TMEM44: variants seen among roughly 807,000 people sequenced by gnomAD.
TMEM44 encodes the protein transmembrane protein 44.
A neutral mutation model predicts 47.8 loss-of-function variants in TMEM44; 43 were observed. The observed-to-expected ratio is 0.90, with a 90% CI of 0.70 to 1.16. The LOEUF is 1.16. Ranked by LOEUF, TMEM44 falls within the 50% of genes most tolerant of loss-of-function variation. TMEM44 has a pLI of 0.00. For synonymous variants in TMEM44, 277 were observed against 238.8 expected (o/e 1.16, Z -1.48); for missense variants, 568 against 555.2 (o/e 1.02, Z -0.23).
chr3:194,609,419 G>A (rs1385699716), intron 8 of TMEM44, among the ~76,000 whole-genome samples: 1 of 152,152 alleles, frequency 6.6e-6, no homozygotes, highest in Non-Finnish European at 1.5e-5. Context: ...GGGGAAAGAA[G>A]AGCCTGTGAG....
At position 194,588,345 on chromosome 3, in the gene TMEM44, C is replaced by T. The variant is rs1206651408; in HGVS notation, c.*184G>A. On this transcript the variant is annotated 3_prime_UTR_variant, in exon 10 of 10. Transcript: ENST00000347147. ...CCTATCCAGGTCTGTCCGCAGTACC[C>T]AAAGTCGTAGCTCCGTGATGAGCTA... The T allele has an allele frequency of 1.7e-6, 1 of 593,544 alleles. No individual in the cohort carries two copies. The highest frequency in any genetic ancestry group is 3.0e-5 in the Admixed American group (1 of 33,248). 36.8% of individuals were successfully genotyped at this position (593,544 alleles called of 1,614,324 possible). A position where few individuals can be genotyped will look rare whatever the true frequency, so the allele number is the denominator to read the frequency against.
In TMEM44 at chr3:194,611,714, G is replaced by A. The variant is rs1045103565; in HGVS notation, c.913-694C>T. On this transcript the variant is annotated intron_variant, in intron 7 of 9. Coordinates refer to ENST00000347147, the MANE Select transcript of TMEM44 (RefSeq NM_001011655.3). The surrounding 1 kb of genome is among the most constrained non-coding windows in gnomAD (Gnocchi z 4.2). The stretch of plus-strand genomic sequence containing the variant: ...CCTTGATGCACATCAGAAGCACCCT[G>A]TGGGTTTTGCTAAAATACAGATTGC... 2.0e-5 allele frequency among the ~76,000 whole-genome samples: 3 copies of A among 152,086 alleles called. No homozygotes were observed. Among genetic ancestry groups the A allele is most frequent in the African/African-American group, 7.2e-5 (3 of 41,428 alleles).
chr3:194,626,011 A>G, intron 2 of TMEM44, 21 bp from the exon 3 acceptor site: 1 of 1,575,614 alleles, frequency 6.3e-7, no homozygotes, highest in South Asian at 1.1e-5. Context: ...ACGGGAAGAG[A>G]GTCTTGGCAT....
intron 9 of TMEM44, among the ~76,000 whole-genome samples, chr3:194,594,133 A>ATCTGTCTG (rs1196298353): frequency 7.4e-4 from 106 of 143,978 alleles, no homozygotes; most frequent in African/African-American, 2.4e-3. Context: ...CTATCTATCT[A>ATCTGTCTG]TCTATCTATC....
At chr3:194,590,842 C>T (rs1049961600) in intron 9 of TMEM44, among the ~76,000 whole-genome samples, 5 of 152,168 alleles carry the variant, frequency 3.3e-5, no homozygotes, top group African/African-American at 9.7e-5. Context: ...TCTTGCCAAC[C>T]GTGACCAGTT....
intron 9 of TMEM44, among the ~76,000 whole-genome samples, chr3:194,598,175 C>T (rs1017441271): frequency 9.9e-5 from 15 of 152,190 alleles, no homozygotes; most frequent in Non-Finnish European, 2.9e-5. Flanking sequence ...TCCCACATGA[C>T]ATGATTCGTC....
chr3:194,615,350 G>A (rs533920077), intron 7 of TMEM44, among the ~76,000 whole-genome samples: 2 of 152,098 alleles, frequency 1.3e-5, no homozygotes, highest in Non-Finnish European at 2.9e-5. Flanking sequence ...TCAATGCCCC[G>A]TCCACTCCAT....
intron 1 of TMEM44, 35 bp from the exon 2 acceptor site, chr3:194,628,544 C>G: frequency 6.4e-7 from 1 of 1,573,150 alleles, no homozygotes; most frequent in Non-Finnish European, 8.6e-7. Flanking sequence ...AACACAGCAA[C>G]TGTGAGTTTG....
chr3:194,633,046 G>C (rs1717987144), intron 1 of TMEM44, 33 bp downstream of exon 1: 1 of 1,544,672 alleles, frequency 6.5e-7, no homozygotes. Flanking sequence ...CCGTTTCCCC[G>C]CCCGACAGCC....
chr3:194,608,116 C>T (rs566365302), intron 8 of TMEM44, among the ~76,000 whole-genome samples: 5 of 152,220 alleles, frequency 3.3e-5, no homozygotes, highest in Non-Finnish European at 7.3e-5. Context: ...GCTGCAGGAA[C>T]TCCCGTGCCT....
intron 1 of TMEM44, among the ~76,000 whole-genome samples, chr3:194,629,574 G>A (rs569551848): frequency 4.6e-5 from 7 of 151,722 alleles, no homozygotes; most frequent in Admixed American, 2.0e-4. Flanking sequence ...ATACATTGTC[G>A]TACATGCCTC....
chr3:194,602,742 G>A (rs917649884), intron 9 of TMEM44, among the ~76,000 whole-genome samples: 1 of 152,222 alleles, frequency 6.6e-6, no homozygotes, highest in East Asian at 1.9e-4. Flanking sequence ...GGTGAGGGGA[G>A]GGGGTGTGTG....
chr3:194,623,344 C>T (rs1716784378), intron 4 of TMEM44, 34 bp from the exon 5 acceptor site: 2 of 1,577,036 alleles, frequency 1.3e-6, no homozygotes, highest in Non-Finnish European at 1.7e-6. Context: ...ACCATCAGTA[C>T]TCTGCAGAGA....
At chr3:194,595,139 C>T (rs1403556065) in intron 9 of TMEM44, among the ~76,000 whole-genome samples, 1 of 152,130 alleles carries the variant, frequency 6.6e-6, no homozygotes, top group Non-Finnish European at 1.5e-5. Context: ...ATTAAATATG[C>T]CTCTGAAACA....
At chr3:194,618,547 T>C (rs1232766461) in intron 5 of TMEM44, among the ~76,000 whole-genome samples, 3 of 123,480 alleles carry the variant, frequency 2.4e-5, no homozygotes, top group Non-Finnish European at 3.3e-5. Flanking sequence ...ATAAATTAAA[T>C]TATATATAGT....
intron 1 of TMEM44, among the ~76,000 whole-genome samples, chr3:194,630,731 C>T (rs1291958289): frequency 6.6e-6 from 1 of 150,680 alleles, no homozygotes; most frequent in Admixed American, 6.6e-5. Flanking sequence ...TACCTGCCTC[C>T]CGAAGGGGCT....
At chr3:194,627,969 ACT>A (rs1329825686) in intron 2 of TMEM44, among the ~76,000 whole-genome samples, 2 of 151,788 alleles carry the variant, frequency 1.3e-5, no homozygotes, top group South Asian at 2.1e-4. Flanking sequence ...ACAGAGTAAG[ACT>A]CTGTCTCAAA....
intron 5 of TMEM44, among the ~76,000 whole-genome samples, chr3:194,621,799 C>A (rs1448737562): frequency 1.3e-5 from 2 of 152,116 alleles, no homozygotes; most frequent in Non-Finnish European, 2.9e-5. Flanking sequence ...TCACTGCAAC[C>A]CCCACCTCCT....
At chr3:194,605,278 T>C (rs753962562) in intron 8 of TMEM44, among the ~76,000 whole-genome samples, 1 of 152,258 alleles carries the variant, frequency 6.6e-6, no homozygotes, top group Non-Finnish European at 1.5e-5. Context: ...GCTGAACTTT[T>C]GAAGTCCTGC....
Sources: allele counts gnomAD v4.1 joint callset (sites outside exome capture counted in the v4.1 genomes callset), GRCh38; gene constraint gnomAD v4.1.1; non-coding constraint Gnocchi (gnomAD v3.1); transcripts MANE v1.5; gene names NCBI Gene and HGNC (gene_info 2026-07-23, HGNC 2026-07-21).